The following TGFA variants were observed in gnomAD, a reference collection of about 807,000 sequenced individuals.
The protein encoded by TGFA is protransforming growth factor alpha.
TGFA carries 12 observed loss-of-function variants against 21.7 expected under a neutral mutation model. The observed-to-expected ratio is 0.55, with a 90% CI of 0.35 to 0.90. The LOEUF (loss-of-function observed/expected upper bound fraction) is 0.90. Among genes scored for constraint, TGFA ranks in the 40% least tolerant of loss-of-function variants. The pLI, the probability that TGFA is intolerant of heterozygous loss-of-function variation, is 0.01. For synonymous variants in TGFA, 79 were observed against 88.1 expected (o/e 0.90, Z 0.58); for missense variants, 178 against 210.8 (o/e 0.84, Z 0.96).
At chr2:70,539,742 A>G (rs1000183315) in intron 1 of TGFA, among the ~76,000 whole-genome samples, 3 of 152,230 alleles carry the variant, frequency 2.0e-5, no homozygotes, top group African/African-American at 7.2e-5. Flanking sequence ...GGTATGAGAC[A>G]CCACAGCCAG....
At chr2:70,489,236 C>T (rs1233839149) in intron 2 of TGFA, among the ~76,000 whole-genome samples, 1 of 152,232 alleles carries the variant, frequency 6.6e-6, no homozygotes, top group Non-Finnish European at 1.5e-5. Flanking sequence ...CTCCCACCAG[C>T]TGTTAGAAAA....
rs59567780 is a variant in TGFA, at chr2:70,521,613, G to GTTTTTTTTT, written c.41-6702_41-6701insAAAAAAAAA. 8.1e-3 allele frequency among the ~76,000 whole-genome samples: 595 copies of GTTTTTTTTT among 73,734 alleles called. 25 individuals carry two copies. The highest frequency in any genetic ancestry group is 9.3e-3 in the Non-Finnish European group (326 of 35,164). 48.4% of individuals were successfully genotyped at this position (73,734 alleles called of 152,430 possible). On this transcript the variant is annotated intron_variant, in intron 1 of 5. Coordinates refer to ENST00000295400, the MANE Select transcript of TGFA (RefSeq NM_003236.4). Reference sequence around the variant, plus strand: ...TTGATAGTTTTTTTTGTTGTTGTTTGTTTGTTTTTTTTTTTTTTTTTTTTT... The same window carrying GTTTTTTTTT: ...TTGATAGTTTTTTTTGTTGTTGTTTGTTTTTTTTTTTTGTTTTTTTTTTTTTTTTTTTTT...
chr2:70,492,966 C>A (rs1341972232), intron 2 of TGFA, among the ~76,000 whole-genome samples: 1 of 152,076 alleles, frequency 6.6e-6, no homozygotes, highest in Non-Finnish European at 1.5e-5. Context: ...AAAACTCATT[C>A]TCACTTAAAA....
intron 2 of TGFA, among the ~76,000 whole-genome samples, chr2:70,471,497 C>T (rs1373389841): frequency 6.6e-6 from 1 of 152,198 alleles, no homozygotes; most frequent in African/African-American, 2.4e-5. Context: ...AAAGCCATCT[C>T]CAACAAGTGA....
chr2:70,466,363 C>G (rs183347140), intron 2 of TGFA, among the ~76,000 whole-genome samples: 2 of 152,016 alleles, frequency 1.3e-5, no homozygotes, highest in African/African-American at 4.8e-5. Flanking sequence ...AAAAATTAGC[C>G]GGGCGAGGTG....
intron 1 of TGFA, among the ~76,000 whole-genome samples, chr2:70,530,725 C>T (rs1305455970): frequency 6.6e-6 from 1 of 152,206 alleles, no homozygotes; most frequent in Non-Finnish European, 1.5e-5. Flanking sequence ...CACACAGTGT[C>T]TCATCTAGCT....
chr2:70,481,823 A>G (rs1671130661), intron 2 of TGFA, among the ~76,000 whole-genome samples: 1 of 152,120 alleles, frequency 6.6e-6, no homozygotes, highest in Admixed American at 6.5e-5. Flanking sequence ...GCCTCCCAAC[A>G]ATAGCTTGTA....
intron 3 of TGFA, 60 bp from the exon 4 acceptor site, chr2:70,456,548 T>C: frequency 6.5e-7 from 1 of 1,529,500 alleles, no homozygotes; most frequent in Non-Finnish European, 8.8e-7. Flanking sequence ...ACCCTAGCTC[T>C]CCAGGGAGGG....
chr2:70,531,082 C>G lies in TGFA; in HGVS notation c.41-16170G>C, dbSNP rs537551768. ...GGAGCACTGAGACATACCCTATATC[C>G]TCCAGGGAAAGGAGTCCTCCCCTCT... On this transcript the variant is annotated intron_variant, in intron 1 of 5. Transcript: ENST00000295400. Among the ~76,000 whole-genome samples the G allele has an allele frequency of 2.0e-5, 3 of 152,316 alleles. No homozygotes were observed. The South Asian group carries it at 6.2e-4, about 32-fold the overall frequency.
intron 2 of TGFA, among the ~76,000 whole-genome samples, chr2:70,507,841 C>T (rs1235152226): frequency 6.6e-6 from 1 of 152,188 alleles, no homozygotes; most frequent in African/African-American, 2.4e-5. Context: ...ACCCCATACT[C>T]TCCATTTCTT....
chr2:70,546,439 C>T (rs72912111), intron 1 of TGFA, among the ~76,000 whole-genome samples: 17,455 of 152,030 alleles, frequency 0.11, 1,089 homozygotes, highest in Middle Eastern at 0.19. Flanking sequence ...GCCCAATAGA[C>T]AGTTTTTCAA....
intron 2 of TGFA, among the ~76,000 whole-genome samples, chr2:70,509,946 G>A (rs1198657275): frequency 6.6e-6 from 1 of 152,240 alleles, no homozygotes; most frequent in Non-Finnish European, 1.5e-5. Context: ...TGGAGAGGGT[G>A]TGACAGGTGT....
chr2:70,520,247 G>A (rs547496598), intron 1 of TGFA, among the ~76,000 whole-genome samples: 196 of 152,198 alleles, frequency 1.3e-3, no homozygotes, highest in South Asian at 2.5e-3. Flanking sequence ...CCCCGGGGTC[G>A]CCCAGCTGCA....
At position 70,477,972 on chromosome 2, in the gene TGFA, TTCTC is replaced by T. The variant is rs782543375; in HGVS notation, c.95-12240_95-12237del. Among the ~76,000 whole-genome samples, 13 of 152,290 alleles carry T rather than the reference TTCTC, an allele frequency of 8.5e-5. No individual in the cohort carries two copies. In the South Asian group the frequency reaches 2.5e-3, roughly 29 times the overall value. On this transcript the variant is annotated intron_variant, in intron 2 of 5. Coordinates refer to ENST00000295400, the MANE Select transcript of TGFA (RefSeq NM_003236.4). ...AATCCTCACAATAAATCATATCCTT[TTCTC>T]TCTTTCTCTGTCTCTTCTGGGAGCC...
At chr2:70,505,100 C>T (rs947030150) in intron 2 of TGFA, among the ~76,000 whole-genome samples, 1 of 152,174 alleles carries the variant, frequency 6.6e-6, no homozygotes, top group Non-Finnish European at 1.5e-5. Context: ...TATGTAAATT[C>T]TATTGTGATT....
At chr2:70,495,917 A>T (rs989369825) in intron 2 of TGFA, among the ~76,000 whole-genome samples, 9 of 152,086 alleles carry the variant, frequency 5.9e-5, no homozygotes, top group Admixed American at 2.0e-4. Context: ...TCTTACTTGC[A>T]CCCTACTGGC....
At chr2:70,453,195 C>G (rs782486455) in intron 5 of TGFA, 23 bp downstream of exon 5, 7 of 1,601,782 alleles carry the variant, frequency 4.4e-6, no homozygotes, top group Non-Finnish European at 5.1e-6. Context: ...ATAGTGTCTC[C>G]CACCAGAGAA....
intron 1 of TGFA, among the ~76,000 whole-genome samples, chr2:70,531,586 C>T (rs1672815641): frequency 6.6e-6 from 1 of 152,228 alleles, no homozygotes; most frequent in South Asian, 2.1e-4. Flanking sequence ...CACCTCCATA[C>T]AGAACCCACA....
At chr2:70,520,756 C>G (rs1672423598) in intron 1 of TGFA, among the ~76,000 whole-genome samples, 1 of 152,102 alleles carries the variant, frequency 6.6e-6, no homozygotes. Flanking sequence ...CGGACCGACC[C>G]TATATTCCCA....
Sources: allele counts gnomAD v4.1 joint callset (sites outside exome capture counted in the v4.1 genomes callset), GRCh38; gene constraint gnomAD v4.1.1; transcripts MANE v1.5; gene names NCBI Gene and HGNC (gene_info 2026-07-23, HGNC 2026-07-21).